CHST11: variants seen among roughly 807,000 people sequenced by gnomAD.
CHST11 encodes C4S-1.
Under a neutral mutation model 30.4 loss-of-function variants are expected in CHST11, and 9 were observed. The observed-to-expected ratio is 0.30, with a 90% CI of 0.18 to 0.52. The LOEUF is 0.52. Among genes scored for constraint, CHST11 ranks in the 20% least tolerant of loss-of-function variants. The probability of loss-of-function intolerance (pLI) is 0.97; values close to 1 mark genes in which losing one functional copy is unlikely to be tolerated. For synonymous variants in CHST11, 152 were observed against 187.8 expected, an observed-to-expected ratio of 0.81 and a Z score of 1.56; for missense variants, 348 against 460.6, an observed-to-expected ratio of 0.76 and a Z score of 2.24.
chr12:104,549,202 A>G (rs1182670851), intron 1 of CHST11, among the ~76,000 whole-genome samples: 1 of 152,204 alleles, frequency 6.6e-6, no homozygotes, highest in Non-Finnish European at 1.5e-5. Context: ...GAGTGGGGAC[A>G]GCTGTGGCAG....
intron 1 of CHST11, among the ~76,000 whole-genome samples, chr12:104,567,453 C>G (rs2038579481): frequency 6.6e-6 from 1 of 152,148 alleles, no homozygotes; most frequent in African/African-American, 2.4e-5. Context: ...TTATGTCTGT[C>G]CCTCTCTCCC....
chr12:104,647,356 AT>A (rs1289698922), intron 2 of CHST11, among the ~76,000 whole-genome samples: 1 of 152,214 alleles, frequency 6.6e-6, no homozygotes, highest in African/African-American at 2.4e-5. Flanking sequence ...ATAAATTTTC[AT>A]TTAAAAAATG....
chr12:104,655,219 C>T (rs754588953), intron 2 of CHST11, among the ~76,000 whole-genome samples: 2 of 152,254 alleles, frequency 1.3e-5, no homozygotes, highest in African/African-American at 2.4e-5. Context: ...TGAGCGACTT[C>T]GCAGAGCCTA....
At chr12:104,468,058 TG>T (rs2037474855) in intron 1 of CHST11, among the ~76,000 whole-genome samples, 1 of 151,342 alleles carries the variant, frequency 6.6e-6, no homozygotes, top group Non-Finnish European at 1.5e-5. Context: ...TACATCATAG[TG>T]GGGGAGACAC....
chr12:104,613,435 C>T (rs897266676), intron 2 of CHST11, among the ~76,000 whole-genome samples: 3 of 142,356 alleles, frequency 2.1e-5, no homozygotes, highest in East Asian at 1.9e-4. Context: ...AATCTCATGT[C>T]GAATTGTAGT....
chr12:104,524,499 T>C (rs572856580), intron 1 of CHST11, among the ~76,000 whole-genome samples: 1 of 152,274 alleles, frequency 6.6e-6, no homozygotes, highest in South Asian at 2.1e-4. Context: ...ATTTCAGTAT[T>C]TAACCATTGG....
intron 2 of CHST11, among the ~76,000 whole-genome samples, chr12:104,683,128 GGA>G: frequency 6.6e-6 from 1 of 152,304 alleles, no homozygotes; most frequent in East Asian, 1.9e-4. Flanking sequence ...GAGGTGGAAT[GGA>G]GTATGATTGG....
At position 104,760,357 on chromosome 12, in the gene CHST11, C is replaced by T. The variant is rs2453155; in HGVS notation, c.*2554C>T. 96,705 of 151,828 alleles carry T rather than the reference C, an allele frequency of 0.64. 31,037 individuals are homozygous for T. The highest frequency in any genetic ancestry group is 0.7 in the Middle Eastern group (205 of 294). The allele number at this position is 151,828 out of a possible 1,614,324, so 9.4% of individuals were successfully genotyped here. On this transcript the variant is annotated 3_prime_UTR_variant, in exon 3 of 3. Coordinates refer to ENST00000303694, the MANE Select transcript of CHST11 (RefSeq NM_018413.6). ...ATGGTTCTAATCCTGGATACTGCCA[C>T]GGACTACAATTCTATCCCTCCCAGA...
chr12:104,486,538 G>T (rs921291980), intron 1 of CHST11, among the ~76,000 whole-genome samples: 5 of 152,184 alleles, frequency 3.3e-5, no homozygotes, highest in Non-Finnish European at 5.9e-5. Flanking sequence ...GCATGCATGA[G>T]AGAGTTTGAC....
At chr12:104,573,457 C>G (rs1280660939) in intron 1 of CHST11, among the ~76,000 whole-genome samples, 19 of 146,604 alleles carry the variant, frequency 1.3e-4, no homozygotes, top group South Asian at 6.5e-4. Flanking sequence ...TGACTTCAAA[C>G]TATACTACAA....
chr12:104,667,709 A>C (rs2039654365), intron 2 of CHST11, among the ~76,000 whole-genome samples: 1 of 152,190 alleles, frequency 6.6e-6, no homozygotes, highest in South Asian at 2.1e-4. Flanking sequence ...TCGGTAAAGC[A>C]AGCAAGTCAT....
Position 104,608,902 on chromosome 12 carries a change from A to G in CHST11, c.204+6911A>G, listed in dbSNP as rs569534335. 2.0e-5 allele frequency among the ~76,000 whole-genome samples: 3 copies of G among 152,270 alleles called. No homozygotes were observed. In the East Asian group the frequency reaches 5.8e-4, roughly 29 times the overall value. On this transcript the variant is annotated intron_variant, in intron 2 of 2. Coordinates refer to ENST00000303694, the MANE Select transcript of CHST11 (RefSeq NM_018413.6). Reference sequence around the variant, plus strand: ...ATCCGAGATGCCAAGTCTTCAGCCAAAGTATTGGGAGGAGCCCTGTGAAAG... The same window carrying G: ...ATCCGAGATGCCAAGTCTTCAGCCAGAGTATTGGGAGGAGCCCTGTGAAAG...
chr12:104,577,234 ATTTT>A (rs34967812), intron 1 of CHST11, among the ~76,000 whole-genome samples: 46 of 74,242 alleles, frequency 6.2e-4, no homozygotes, highest in African/African-American at 1.7e-3. Flanking sequence ...GCAGCCCTTC[ATTTT>A]TTTTTTTTTT....
At chr12:104,660,971 A>G (rs568231654) in intron 2 of CHST11, among the ~76,000 whole-genome samples, 1 of 152,278 alleles carries the variant, frequency 6.6e-6, no homozygotes, top group Admixed American at 6.5e-5. Flanking sequence ...TCAGCATGCA[A>G]GAGAAATGAG....
chr12:104,676,645 C>T lies in CHST11; in HGVS notation c.204+74654C>T, dbSNP rs913105759. On this transcript the variant is annotated intron_variant, in intron 2 of 2. Coordinates refer to ENST00000303694, the MANE Select transcript of CHST11 (RefSeq NM_018413.6). This position sits in a 1 kb window ranked among gnomAD's most constrained non-coding sequence, Gnocchi z 4.4. The stretch of plus-strand genomic sequence containing the variant: ...GGCCAGGATGGTCTCGATCTCCTGA[C>T]CTTGTGATCGGCCTCCCAAAGTGTT... 6.6e-5 allele frequency among the ~76,000 whole-genome samples: 10 copies of T among 152,220 alleles called. No homozygotes were observed. The highest frequency in any genetic ancestry group is 1.3e-4 in the Non-Finnish European group (9 of 68,048).
At chr12:104,709,740 A>G (rs1047057616) in intron 2 of CHST11, among the ~76,000 whole-genome samples, 2 of 152,148 alleles carry the variant, frequency 1.3e-5, no homozygotes, top group Admixed American at 6.5e-5. Flanking sequence ...GAGCAGGTCA[A>G]TGGTTGCTTA....
At chr12:104,736,464 CA>C (rs1351677259) in intron 2 of CHST11, among the ~76,000 whole-genome samples, 3 of 152,216 alleles carry the variant, frequency 2.0e-5, no homozygotes, top group Non-Finnish European at 2.9e-5. Flanking sequence ...AGGCATCCAG[CA>C]GAGTCCCATG....
intron 2 of CHST11, among the ~76,000 whole-genome samples, chr12:104,603,576 G>A (rs2038977084): frequency 6.6e-6 from 1 of 152,188 alleles, no homozygotes. Context: ...GTGCAACCCT[G>A]AATATATGAT....
At chr12:104,674,778 A>G (rs953441616) in intron 2 of CHST11, among the ~76,000 whole-genome samples, 1 of 151,860 alleles carries the variant, frequency 6.6e-6, no homozygotes, top group African/African-American at 2.4e-5. Flanking sequence ...TTGCAGTTCT[A>G]TATCTAGGAT....
Sources: gnomAD v4.1 joint callset for allele counts (sites outside exome capture counted in the v4.1 genomes callset) on GRCh38, gnomAD v4.1.1 for gene constraint, Gnocchi (gnomAD v3.1) non-coding constraint, MANE v1.5 for transcripts, NCBI Gene and HGNC (gene_info 2026-07-23, HGNC 2026-07-21) for gene names.